The following IL1RAPL1 variants were observed in gnomAD, a reference collection of about 807,000 sequenced individuals.
IL1RAPL1 encodes the protein interleukin 1 receptor accessory protein like 1, also known as interleukin-1 receptor accessory protein-like 1.
IL1RAPL1 carries 3 observed loss-of-function variants against 48.4 expected under a neutral mutation model. The observed-to-expected ratio is 0.06, with a 90% CI of 0.03 to 0.16. The LOEUF is 0.16. IL1RAPL1 is among the 10% of genes least tolerant of loss of function. The pLI is 1.00. For synonymous variants in IL1RAPL1, 185 were observed against 187.7 expected (o/e 0.99, Z 0.12); for missense variants, 349 against 530.6 (o/e 0.66, Z 3.36).
Position 29,293,335 on chromosome X carries a change from G to A in IL1RAPL1, c.362+10118G>A, listed in dbSNP as rs149768157. 1.0e-4 allele frequency among the ~76,000 whole-genome samples: 11 copies of A among 108,250 alleles called. No homozygotes were observed. The East Asian group carries it at 3.2e-3, about 31-fold the overall frequency. 94.0% of individuals were successfully genotyped at this position (108,250 alleles called of 115,157 possible). Reference sequence around the variant, plus strand: ...AAATAAATTCTGCTGGAGTGATCATGGGGTAGTTTCTTAGATCACTGGATT... The same window carrying A: ...AAATAAATTCTGCTGGAGTGATCATAGGGTAGTTTCTTAGATCACTGGATT... On this transcript the variant is annotated intron_variant, in intron 3 of 10. Transcript: ENST00000378993.
chrX:29,134,170 G>GT (rs979647574), intron 2 of IL1RAPL1, among the ~76,000 whole-genome samples: 5 of 111,599 alleles, frequency 4.5e-5, no homozygotes, highest in African/African-American at 1.3e-4. Flanking sequence ...TTGTGTGCAG[G>GT]TTTTTTTGTG....
intron 3 of IL1RAPL1, among the ~76,000 whole-genome samples, chrX:29,283,566 A>T (rs372078869): frequency 8.0e-5 from 9 of 112,401 alleles, no homozygotes; most frequent in Non-Finnish European, 1.5e-4. Flanking sequence ...GAGTTGTAAC[A>T]TTTTGCTATT....
chrX:29,299,519 T>G (rs1932501237), intron 3 of IL1RAPL1, among the ~76,000 whole-genome samples: 1 of 112,083 alleles, frequency 8.9e-6, no homozygotes, highest in Admixed American at 9.5e-5. Context: ...AATAGGTTTT[T>G]ATAAGTCATT....
intron 6 of IL1RAPL1, among the ~76,000 whole-genome samples, chrX:29,849,999 C>T (rs142495820): frequency 0.031 from 3,459 of 111,428 alleles, 127 homozygotes; most frequent in African/African-American, 0.11. Context: ...CTCAAACTTT[C>T]CCACTCTTGA....
At chrX:28,821,146 AT>A (rs1365945905) in intron 2 of IL1RAPL1, among the ~76,000 whole-genome samples, 1 of 111,822 alleles carries the variant, frequency 8.9e-6, no homozygotes, top group Non-Finnish European at 1.9e-5. Flanking sequence ...AAATTGAAAC[AT>A]TTTAACTTGA....
intron 3 of IL1RAPL1, among the ~76,000 whole-genome samples, chrX:29,362,408 A>C: frequency 8.9e-6 from 1 of 112,226 alleles, no homozygotes; most frequent in East Asian, 2.8e-4. Context: ...ACTCTAAGTG[A>C]GTTCCTGGGT....
intron 6 of IL1RAPL1, among the ~76,000 whole-genome samples, chrX:29,717,190 C>T (rs1236254881): frequency 1.1e-5 from 1 of 89,151 alleles, no homozygotes; most frequent in African/African-American, 4.6e-5. Context: ...TATTTAGTGC[C>T]AGAGAGCCAG....
chrX:29,923,196 A>G (rs778036690), intron 8 of IL1RAPL1, among the ~76,000 whole-genome samples: 2 of 112,197 alleles, frequency 1.8e-5, no homozygotes, highest in East Asian at 2.8e-4. Context: ...GAGCTAGGCT[A>G]TGTTCTGGGT....
At chrX:29,421,380 A>G (rs1487175011) in intron 5 of IL1RAPL1, among the ~76,000 whole-genome samples, 1 of 110,923 alleles carries the variant, frequency 9.0e-6, no homozygotes, top group Non-Finnish European at 1.9e-5. Context: ...AAAGGGCATG[A>G]ACTTCCCTCA....
chrX:28,879,479 G>T (rs1217928167), intron 2 of IL1RAPL1, among the ~76,000 whole-genome samples: 2 of 110,747 alleles, frequency 1.8e-5, no homozygotes, highest in Non-Finnish European at 3.8e-5. Flanking sequence ...AGAAAGGAAG[G>T]TAAATAAAGA....
intron 5 of IL1RAPL1, among the ~76,000 whole-genome samples, chrX:29,602,722 G>A (rs1039415189): frequency 8.9e-6 from 1 of 112,664 alleles, no homozygotes. Flanking sequence ...CTATCTTAAA[G>A]ACTTTCCCCT....
At chrX:28,767,715 ATGTGTG>A (rs35909020) in intron 1 of IL1RAPL1, among the ~76,000 whole-genome samples, 144 of 101,501 alleles carry the variant, frequency 1.4e-3, no homozygotes, top group South Asian at 8.2e-3. Flanking sequence ...AGCCTGGGGG[ATGTGTG>A]TGTGTGTGTG....
At chrX:28,789,047 G>A (rs989533187) in intron 1 of IL1RAPL1, among the ~76,000 whole-genome samples, 8 of 111,261 alleles carry the variant, frequency 7.2e-5, no homozygotes, top group Non-Finnish European at 1.5e-4. Flanking sequence ...CAACTAGGGC[G>A]TTTAAATAAA....
intron 5 of IL1RAPL1, among the ~76,000 whole-genome samples, chrX:29,483,992 C>T (rs1246442182): frequency 2.2e-5 from 2 of 90,973 alleles, no homozygotes; most frequent in Non-Finnish European, 4.3e-5. Flanking sequence ...TGCACCTGGC[C>T]CAGTAGTCCA....
intron 1 of IL1RAPL1, among the ~76,000 whole-genome samples, chrX:28,725,172 A>G (rs1935654525): frequency 9.1e-6 from 1 of 109,463 alleles, no homozygotes; most frequent in Non-Finnish European, 1.9e-5. Flanking sequence ...GGATGGTCTC[A>G]GTCTCCAGAT....
intron 2 of IL1RAPL1, among the ~76,000 whole-genome samples, chrX:28,964,010 C>T (rs956887146): frequency 4.5e-5 from 5 of 111,186 alleles, no homozygotes; most frequent in African/African-American, 6.5e-5. Flanking sequence ...TTCTGTGCTT[C>T]GTAATTGTGA....
At chrX:29,700,508 A>C (rs1299855198) in intron 6 of IL1RAPL1, among the ~76,000 whole-genome samples, 2 of 112,022 alleles carry the variant, frequency 1.8e-5, no homozygotes, top group African/African-American at 6.5e-5. Context: ...TGAAAAATGA[A>C]GGTGTCATGA....
rs200222696 is a variant in IL1RAPL1 at position 29,633,468 on chromosome X, TACACACAC to T, written c.704-34934_704-34927del. Among the ~76,000 whole-genome samples, 223 of 97,753 alleles carry T rather than the reference TACACACAC, an allele frequency of 2.3e-3. 1 individual carries two copies. The highest frequency in any genetic ancestry group is 7.9e-3 in the African/African-American group (210 of 26,560). 84.9% of individuals were successfully genotyped at this position (97,753 alleles called of 115,157 possible). ...TTGTGACAATTTATCGATATATATA[TACACACAC>T]ACACACACACACACACACACACACA... On this transcript the variant is annotated intron_variant, in intron 5 of 10. Coordinates refer to ENST00000378993, the MANE Select transcript of IL1RAPL1 (RefSeq NM_014271.4).
chrX:29,820,461 T>C lies in IL1RAPL1; in HGVS notation c.779-97003T>C, dbSNP rs1930587846. 2.7e-5 allele frequency among the ~76,000 whole-genome samples: 3 copies of C among 112,094 alleles called. No individual in the cohort carries two copies. In the Admixed American group the frequency reaches 2.9e-4, roughly 11 times the overall value. On this transcript the variant is annotated intron_variant, in intron 6 of 10. Coordinates refer to ENST00000378993, the MANE Select transcript of IL1RAPL1 (RefSeq NM_014271.4). ...TGAAGCAGAGCTGACTATTCAGCCA[T>C]GGGGAGCTTCTCAGAAACATTAGAA...
Sources: allele counts gnomAD v4.1 joint callset (sites outside exome capture counted in the v4.1 genomes callset), GRCh38; gene constraint gnomAD v4.1.1; transcripts MANE v1.5; gene names NCBI Gene and HGNC (gene_info 2026-07-23, HGNC 2026-07-21).